CDKL4: variants seen among roughly 807,000 people sequenced by gnomAD.
The protein encoded by CDKL4 is cyclin-dependent kinase-like 4.
A neutral mutation model predicts 42.0 loss-of-function variants in CDKL4; 44 were observed. The observed-to-expected ratio is 1.05, with a 90% CI of 0.82 to 1.35. The LOEUF (loss-of-function observed/expected upper bound fraction) is 1.35, where lower values mean the gene tolerates loss of function less well. Ranked by LOEUF, CDKL4 falls within the 40% of genes most tolerant of loss-of-function variation. The probability of loss-of-function intolerance (pLI) is 0.00; values close to 1 mark genes in which losing one functional copy is unlikely to be tolerated. For missense variants in CDKL4, 393 were observed against 369.9 expected (o/e 1.06, Z -0.51); for synonymous variants, 120 against 121.6 (o/e 0.99, Z 0.09).
chr2:39,192,538 A>ATTTTTTTTT (rs142021498), intron 5 of CDKL4, among the ~76,000 whole-genome samples: 1 of 148,070 alleles, frequency 6.8e-6, no homozygotes, highest in Non-Finnish European at 1.5e-5. Context: ...TTTAAAAAAA[A>ATTTTTTTTT]ATTTTTTTTT....
the CDKL4 span, among the ~76,000 whole-genome samples, chr2:39,168,291 T>A: frequency 6.6e-6 from 1 of 152,214 alleles, no homozygotes; most frequent in Admixed American, 6.5e-5. Context: ...ACACACAGAA[T>A]CTTCAATATG....
Position 39,243,113 on chromosome 2 carries a change from CAAAAAAAAAAAAAAAAAA to C in CDKL4, c.-57+740_-57+757del, listed in dbSNP as rs57132937. ...TGGGGAACAAAGTGAGACCCTGTCTCAAAAAAAAAAAAAAAAAAAAAAAAAAAAAAAAAAAAAAGGAAT... is the reference window on the plus strand; with the variant it reads ...TGGGGAACAAAGTGAGACCCTGTCTCAAAAAAAAAAAAAAAAAAAAGGAAT... On this transcript the variant is annotated intron_variant, in intron 1 of 9. Transcript: ENST00000451199. Among the ~76,000 whole-genome samples the C allele has an allele frequency of 4.4e-4, 17 of 38,420 alleles. No homozygotes were observed. In the South Asian group the frequency reaches 5.9e-3, roughly 13 times the overall value. The allele number at this position is 38,420 out of a possible 152,430, so 25.2% of individuals were successfully genotyped here. A position where few individuals can be genotyped will look rare whatever the true frequency, so the allele number is the denominator to read the frequency against.
intron 3 of CDKL4, among the ~76,000 whole-genome samples, chr2:39,219,111 CAGG>C (rs1381125963): frequency 5.3e-5 from 8 of 152,218 alleles, no homozygotes; most frequent in Non-Finnish European, 7.3e-5. Flanking sequence ...GCACCTAGAA[CAGG>C]ACCTGGTACC....
chr2:39,174,474 C>G (rs544774330), downstream of CDKL4, among the ~76,000 whole-genome samples: 45 of 151,882 alleles, frequency 3.0e-4, no homozygotes, highest in Middle Eastern at 0.01. Flanking sequence ...ATGGATGCTT[C>G]TACATAACTG....
At chr2:39,189,009 G>C (rs1325051858) in intron 6 of CDKL4, among the ~76,000 whole-genome samples, 1 of 152,134 alleles carries the variant, frequency 6.6e-6, no homozygotes, top group Non-Finnish European at 1.5e-5. Flanking sequence ...ACAGATCCAG[G>C]ATTTAAACTC....
chr2:39,213,038 A>C (rs111663570), intron 4 of CDKL4, among the ~76,000 whole-genome samples: 3,804 of 152,328 alleles, frequency 0.025, 56 homozygotes, highest in African/African-American at 0.028. Flanking sequence ...CATTATATTT[A>C]TTCAAATTTT....
intron 3 of CDKL4, among the ~76,000 whole-genome samples, chr2:39,219,551 G>A (rs1370988361): frequency 1.3e-5 from 2 of 152,020 alleles, no homozygotes; most frequent in Non-Finnish European, 2.9e-5. Context: ...CTCCTGAGTA[G>A]GTGGGACTAC....
At chr2:39,182,902 C>T (rs1012978121) in intron 8 of CDKL4, among the ~76,000 whole-genome samples, 29 of 152,322 alleles carry the variant, frequency 1.9e-4, no homozygotes, top group African/African-American at 6.5e-4. Context: ...CCAAATACGC[C>T]ATCCACCTGA....
At chr2:39,245,524 C>G (rs1440360730), upstream of CDKL4, among the ~76,000 whole-genome samples, 10 of 152,212 alleles carry the variant, frequency 6.6e-5, no homozygotes, top group Non-Finnish European at 1.0e-4. Context: ...GACATACTTC[C>G]TCTTGGTGGG....
At chr2:39,228,565 G>C (rs1439102296) in intron 2 of CDKL4, among the ~76,000 whole-genome samples, 1 of 152,122 alleles carries the variant, frequency 6.6e-6, no homozygotes, top group Non-Finnish European at 1.5e-5. Context: ...ATAATGTGTA[G>C]CCCACAAACC....
At chr2:39,170,453 G>A in the CDKL4 span, among the ~76,000 whole-genome samples, 1 of 151,710 alleles carries the variant, frequency 6.6e-6, no homozygotes, top group East Asian at 1.9e-4. Flanking sequence ...GTTTTTTGTT[G>A]TTGTTGTTGT....
chr2:39,191,825 C>T (rs1676201066), intron 5 of CDKL4, among the ~76,000 whole-genome samples: 1 of 152,134 alleles, frequency 6.6e-6, no homozygotes, highest in South Asian at 2.1e-4. Context: ...ATCACAGGAC[C>T]CTGAACGATC....
intron 5 of CDKL4, among the ~76,000 whole-genome samples, chr2:39,195,309 G>C (rs1258363999): frequency 3.9e-5 from 6 of 152,008 alleles, no homozygotes; most frequent in Admixed American, 3.3e-4. Context: ...AATTTTTTTG[G>C]GTATGTACCT....
chr2:39,178,413 T>C (rs1675256408), intron 9 of CDKL4: 3 of 696,750 alleles, frequency 4.3e-6, no homozygotes, highest in Non-Finnish European at 7.0e-6. Context: ...ACTCAGTTTA[T>C]TATTAGGCAA....
chr2:39,239,919 G>A (rs181068767), intron 1 of CDKL4, among the ~76,000 whole-genome samples: 11 of 151,510 alleles, frequency 7.3e-5, no homozygotes, highest in Non-Finnish European at 1.2e-4. Flanking sequence ...GTGAAACCCT[G>A]TCTCTACTAA....
intron 1 of CDKL4, among the ~76,000 whole-genome samples, chr2:39,234,589 CTAATTA>C (rs376030972): frequency 3.8e-4 from 58 of 152,134 alleles, no homozygotes; most frequent in African/African-American, 1.3e-3. Context: ...AAAATAAAAT[CTAATTA>C]TATCTATTGA....
chr2:39,194,045 T>A (rs945323674), intron 5 of CDKL4, among the ~76,000 whole-genome samples: 1 of 152,198 alleles, frequency 6.6e-6, no homozygotes, highest in Non-Finnish European at 1.5e-5. Flanking sequence ...GTATCTTGGA[T>A]TATGGGAGAT....
At chr2:39,186,406 C>T (rs1162698819) in intron 7 of CDKL4, among the ~76,000 whole-genome samples, 1 of 152,162 alleles carries the variant, frequency 6.6e-6, no homozygotes, top group African/African-American at 2.4e-5. Context: ...CTGACTCCAG[C>T]ATAGTTGGAG....
chr2:39,214,967 T>G (rs1225308023), intron 3 of CDKL4, among the ~76,000 whole-genome samples: 2 of 152,216 alleles, frequency 1.3e-5, no homozygotes, highest in East Asian at 3.8e-4. Context: ...CTCCATGAAT[T>G]ATAGCAATTA....
Sources: gnomAD v4.1 joint callset for allele counts (sites outside exome capture counted in the v4.1 genomes callset) on GRCh38, gnomAD v4.1.1 for gene constraint, MANE v1.5 for transcripts, NCBI Gene and HGNC (gene_info 2026-07-23, HGNC 2026-07-21) for gene names.